The following HSD3B1 variants were observed in gnomAD, a reference collection of about 807,000 sequenced individuals.
HSD3B1 encodes hydroxy-delta-5-steroid dehydrogenase, 3 beta- and steroid delta-isomerase 1.
A neutral mutation model predicts 10.4 loss-of-function variants in HSD3B1; 11 were observed. That is an observed-to-expected ratio of 1.05 (90% CI 0.66 to 1.75). The LOEUF (loss-of-function observed/expected upper bound fraction) is 1.75, where lower values mean the gene tolerates loss of function less well. Among genes scored for constraint, HSD3B1 ranks in the 40% most tolerant of loss-of-function variants. The pLI is 0.00. For missense variants in HSD3B1, 490 were observed against 454.5 expected, an observed-to-expected ratio of 1.08 and a Z score of -0.71; for synonymous variants, 217 against 185.4, an observed-to-expected ratio of 1.17 and a Z score of -1.39.
rs759906359 is a variant in HSD3B1 at position 119,514,645 on chromosome 1, A to C, written c.1122A>C (p.Ter374CysextTer85). ...AGACCCTGAAGTCCAAGACTCAGTG[A>C]TTTAAGGATGACAGAGATGTGCATG... Reference protein sequence around the residue: ...HKETLKSKTQ* With the variant: ...HKETLKSKTQC The change falls in exon 4 of 4, where the codon TGA (stop) becomes TGC (cysteine). Residue 374 changes from the stop codon to cysteine, a stop_lost. Transcript: ENST00000369413. 5 of 1,613,454 alleles carry C rather than the reference A, an allele frequency of 3.1e-6. No homozygotes were observed. Among genetic ancestry groups the C allele is most frequent in the Middle Eastern group, 1.7e-4 (1 of 6,044 alleles).
chr1:119,514,197 A>G lies in HSD3B1; in HGVS notation c.674A>G (p.Tyr225Cys), dbSNP rs774738158. ...VGKFSTVNPV[Y>C]VGNVAWAHIL... ...AAGTTCTCCACTGTTAACCCAGTCT[A>G]TGTTGGCAATGTGGCCTGGGCCCAC... Residue 225 changes from tyrosine to cysteine, a missense_variant, in exon 4 of 4, where the codon TAT becomes TGT. Physicochemically the swap from Tyr to Cys is radical, Grantham distance 194. Coordinates refer to ENST00000369413, the MANE Select transcript of HSD3B1 (RefSeq NM_000862.3). 1,563 of 1,614,066 alleles carry G rather than the reference A, an allele frequency of 9.7e-4. 1 individual carries two copies. Among genetic ancestry groups the G allele is most frequent in the Non-Finnish European group, 1.3e-3 (1,479 of 1,179,994 alleles).
chr1:119,509,129 C>A (rs77636002), intron 2 of HSD3B1, among the ~76,000 whole-genome samples: 1,775 of 152,216 alleles, frequency 0.012, 33 homozygotes, highest in African/African-American at 0.04. Flanking sequence ...TCATAACAAC[C>A]CTATGAGATC....
At chr1:119,507,847 G>A (rs930604800) in intron 2 of HSD3B1, 21 of 455,170 alleles carry the variant, frequency 4.6e-5, no homozygotes, top group Admixed American at 3.5e-5. Context: ...CCCAGAACTT[G>A]AGAAGCAGCC....
In HSD3B1 at chr1:119,507,394, C is replaced by T; in HGVS notation, c.-83C>T. ...AACCATTTGACATCTCTTTTTAGCC[C>T]TCTCCAGGGTCACCCTAGAATCAGA... On this transcript the variant is annotated splice_region_variant and 5_prime_UTR_variant, in exon 2 of 4. Coordinates refer to ENST00000369413, the MANE Select transcript of HSD3B1 (RefSeq NM_000862.3). 7.0e-7 allele frequency: 1 copy of T among 1,429,442 alleles called. No individual in the cohort carries two copies. The highest frequency in any genetic ancestry group is 9.8e-7 in the Non-Finnish European group (1 of 1,017,040). 88.5% of individuals were successfully genotyped at this position (1,429,442 alleles called of 1,614,324 possible). A position where few individuals can be genotyped will look rare whatever the true frequency, so the allele number is the denominator to read the frequency against.
At position 119,507,235 on chromosome 1, in the gene HSD3B1, T is replaced by C. The variant is rs1205066751; in HGVS notation, c.-113T>C. On this transcript the variant is annotated 5_prime_UTR_variant, in exon 1 of 4. Coordinates refer to ENST00000369413, the MANE Select transcript of HSD3B1 (RefSeq NM_000862.3). ...GAGGTGAGAAGTACGTCCACTCTTC[T>C]GTCCAGCTTTTAACAATCTAACTAA... The C allele has an allele frequency of 2.0e-6, 1 of 488,316 alleles. No homozygotes were observed. Among genetic ancestry groups the C allele is most frequent in the East Asian group, 3.8e-5 (1 of 25,978 alleles). 30.2% of individuals were successfully genotyped at this position (488,316 alleles called of 1,614,324 possible). A position where few individuals can be genotyped will look rare whatever the true frequency, so the allele number is the denominator to read the frequency against.
rs909839489 is a variant in HSD3B1 at position 119,507,806 on chromosome 1, G to A, written c.145+185G>A. The A allele has an allele frequency of 8.7e-6, 5 of 576,176 alleles. No homozygotes were observed. In the Admixed American group the frequency reaches 1.5e-4, roughly 18 times the overall value. 35.7% of individuals were successfully genotyped at this position (576,176 alleles called of 1,614,324 possible). A position where few individuals can be genotyped will look rare whatever the true frequency, so the allele number is the denominator to read the frequency against. Reference sequence around the variant, plus strand: ...TGGCATAGTATGAAAGATACTGGGTGGGATTTCCAGAGACTAGATTCTGGC... The same window carrying A: ...TGGCATAGTATGAAAGATACTGGGTAGGATTTCCAGAGACTAGATTCTGGC... On this transcript the variant is annotated intron_variant, in intron 2 of 3. Coordinates refer to ENST00000369413, the MANE Select transcript of HSD3B1 (RefSeq NM_000862.3).
Position 119,514,495 on chromosome 1 carries a change from T to A in HSD3B1, c.972T>A (p.Asn324Lys), listed in dbSNP as rs750650029. 1 of 1,614,036 alleles carries A rather than the reference T, an allele frequency of 6.2e-7. No individual in the cohort carries two copies. Among genetic ancestry groups the A allele is most frequent in the Admixed American group, 1.7e-5 (1 of 60,008 alleles). The change falls in exon 4 of 4, where the codon AAT becomes AAA. Residue 324 changes from asparagine (N) to lysine (K), a missense_variant. Coordinates refer to ENST00000369413, the MANE Select transcript of HSD3B1 (RefSeq NM_000862.3). ...ACCGCCACATAGTCACATTGTCAAA[T>A]AGCGTATTCACCTTCTCTTATAAGA... ...PFNRHIVTLS[N>K]SVFTFSYKKA...
At chr1:119,510,587 A>T (rs918326707) in intron 2 of HSD3B1, among the ~76,000 whole-genome samples, 2 of 151,952 alleles carry the variant, frequency 1.3e-5, no homozygotes, top group African/African-American at 2.4e-5. Flanking sequence ...AGACATTCTG[A>T]TTAATCACTT....
In HSD3B1 at chr1:119,512,881, T is replaced by G. The variant is rs587740497; in HGVS notation, c.311-953T>G. On this transcript the variant is annotated intron_variant, in intron 3 of 3. Coordinates refer to ENST00000369413, the MANE Select transcript of HSD3B1 (RefSeq NM_000862.3). ...GAGGCTGTCTTTCCAGAAACTCAAA[T>G]TGCACAGAGACATTAAAAGGGCTAA... 3.7e-4 allele frequency among the ~76,000 whole-genome samples: 57 copies of G among 152,326 alleles called. 2 individuals are homozygous for G. Among genetic ancestry groups the G allele is most frequent in the Admixed American group, 3.1e-3 (47 of 15,300 alleles).
intron 2 of HSD3B1, 118 bp from the exon 3 acceptor site, chr1:119,511,385 C>A: frequency 1.1e-6 from 1 of 911,292 alleles, no homozygotes; most frequent in Non-Finnish European, 1.8e-6. Flanking sequence ...AATGTACACC[C>A]TCCACTCTAA....
chr1:119,511,358 A>T, intron 2 of HSD3B1, 145 bp from the exon 3 acceptor site: 1 of 722,514 alleles, frequency 1.4e-6, no homozygotes. Context: ...TGCCTTTTTT[A>T]CTTGTTCTTT....
At chr1:119,508,477 T>C (rs1570876587) in intron 2 of HSD3B1, among the ~76,000 whole-genome samples, 2 of 152,060 alleles carry the variant, frequency 1.3e-5, no homozygotes, top group South Asian at 4.1e-4. Context: ...AAGAGGCAGG[T>C]AGAAAAGGCA....
In HSD3B1 at chr1:119,511,633, T is replaced by G. The variant is rs748664020; in HGVS notation, c.276T>G (p.Thr92=). 3 of 1,606,506 alleles carry G rather than the reference T, an allele frequency of 1.9e-6. No individual in the cohort carries two copies. The highest frequency in any genetic ancestry group is 2.5e-6 in the Non-Finnish European group (3 of 1,177,596). ...TACIIDVFGV[T]HRESIMNVNV... ...GTATCATTGATGTCTTCGGTGTCACTCACAGAGAGTCTATCATGAATGTCA... is the reference window on the plus strand; with the variant it reads ...GTATCATTGATGTCTTCGGTGTCACGCACAGAGAGTCTATCATGAATGTCA... The change falls in exon 3 of 4, where the codon ACT becomes ACG. Residue 92 remains threonine, a synonymous_variant. Coordinates refer to ENST00000369413, the MANE Select transcript of HSD3B1 (RefSeq NM_000862.3).
Position 119,514,407 on chromosome 1 carries a change from G to C in HSD3B1, c.884G>C (p.Gly295Ala), listed in dbSNP as rs752637542. 6.2e-7 allele frequency: 1 copy of C among 1,613,980 alleles called. No homozygotes were observed. The highest frequency in any genetic ancestry group is 8.5e-7 in the Non-Finnish European group (1 of 1,180,016). The change falls in exon 4 of 4, where the codon GGC (glycine) becomes GCC (alanine). Residue 295 changes from glycine to alanine, a missense_variant. By Grantham distance (60) the Gly-to-Ala change is moderately conservative. Transcript: ENST00000369413. ...CCTTTATCCCTGATGTATTGGATTGGCTTCCTGCTGGAAATAGTGAGCTTC... is the reference window on the plus strand; with the variant it reads ...CCTTTATCCCTGATGTATTGGATTGCCTTCCTGCTGGAAATAGTGAGCTTC... ...SFPLSLMYWI[G>A]FLLEIVSFLL...
chr1:119,511,867 G>A (rs587669559), intron 3 of HSD3B1, 200 bp downstream of exon 3: 2 of 575,476 alleles, frequency 3.5e-6, no homozygotes, highest in Admixed American at 5.8e-5. Flanking sequence ...GAGAGGGCAA[G>A]TAACTTGTCC....
rs767214134 is a variant in HSD3B1 at position 119,511,561 on chromosome 1, C to G, written c.204C>G (p.Phe68Leu). ...AAGGAGACATTCTGGATGAGCCATT[C>G]CTGAAGAGAGCCTGCCAGGACGTCT... ...VLEGDILDEP[F>L]LKRACQDVSV... is the part of the protein sequence containing the mutation. Residue 68 changes from phenylalanine to leucine, a missense_variant, in exon 3 of 4, where the codon TTC becomes TTG. Coordinates refer to ENST00000369413, the MANE Select transcript of HSD3B1 (RefSeq NM_000862.3). 6.2e-7 allele frequency: 1 copy of G among 1,613,802 alleles called. No individual in the cohort carries two copies. The highest frequency in any genetic ancestry group is 8.5e-7 in the Non-Finnish European group (1 of 1,179,772).
At position 119,511,624 on chromosome 1, in the gene HSD3B1, C is replaced by T. The variant is rs757262979; in HGVS notation, c.267C>T (p.Phe89=). The T allele has an allele frequency of 1.2e-5, 19 of 1,609,978 alleles. No individual in the cohort carries two copies. The highest frequency in any genetic ancestry group is 4.1e-5 in the African/African-American group (3 of 73,516). The change falls in exon 3 of 4, where the codon TTC becomes TTT. Residue 89 remains phenylalanine (F), a synonymous_variant. Coordinates refer to ENST00000369413, the MANE Select transcript of HSD3B1 (RefSeq NM_000862.3). ...IIHTACIIDV[F]GVTHRESIMN... is the part of the protein sequence containing the mutation. Reference sequence around the variant, plus strand: ...ACACCGCCTGTATCATTGATGTCTTCGGTGTCACTCACAGAGAGTCTATCA... The same window carrying T: ...ACACCGCCTGTATCATTGATGTCTTTGGTGTCACTCACAGAGAGTCTATCA...
At position 119,514,532 on chromosome 1, in the gene HSD3B1, GAT is replaced by G; in HGVS notation, c.1010_1011del (p.Asp337AlafsTer4). The G allele has an allele frequency of 1.2e-6, 2 of 1,614,018 alleles. No homozygotes were observed. Among genetic ancestry groups the G allele is most frequent in the Non-Finnish European group, 1.7e-6 (2 of 1,180,004 alleles). ...FTFSYKKAQR[D>X]LAYKPLYSWE... ...CTTCTCTTATAAGAAGGCTCAGCGA[GAT>G]CTGGCGTATAAGCCACTCTACAGCT... is the stretch of plus-strand genomic sequence containing the variant. On this transcript the variant is annotated frameshift_variant, in exon 4 of 4. Coordinates refer to ENST00000369413, the MANE Select transcript of HSD3B1 (RefSeq NM_000862.3). LOFTEE classifies it low-confidence loss of function (END_TRUNC).
intron 2 of HSD3B1, 24 bp from the exon 3 acceptor site, chr1:119,511,479 A>G (rs919017418): frequency 3.1e-6 from 5 of 1,613,082 alleles, no homozygotes; most frequent in East Asian, 2.2e-5. Context: ...AATCATTCCA[A>G]TGACCTGACC....
Sources: gnomAD v4.1 joint callset for allele counts (sites outside exome capture counted in the v4.1 genomes callset) on GRCh38, gnomAD v4.1.1 for gene constraint, MANE v1.5 for transcripts, NCBI Gene and HGNC (gene_info 2026-07-23, HGNC 2026-07-21) for gene names.